ABLIM2: variants seen among roughly 807,000 people sequenced by gnomAD.
ABLIM2 encodes the protein actin binding LIM protein family member 2.
Under a neutral mutation model 97.7 loss-of-function variants are expected in ABLIM2, and 53 were observed. That is an observed-to-expected ratio of 0.54 (90% CI 0.44 to 0.68). ABLIM2 has a LOEUF of 0.68. Ranked by LOEUF, ABLIM2 falls within the 30% of genes least tolerant of loss-of-function variation. The probability of loss-of-function intolerance (pLI) is 0.00; values close to 1 mark genes in which losing one functional copy is unlikely to be tolerated. For missense variants in ABLIM2, 835 were observed against 867.2 expected (o/e 0.96, Z 0.47); for synonymous variants, 361 against 345.8 (o/e 1.04, Z -0.49).
intron 1 of ABLIM2, among the ~76,000 whole-genome samples, chr4:8,133,777 C>T (rs1849773057): frequency 6.6e-6 from 1 of 152,226 alleles, no homozygotes; most frequent in South Asian, 2.1e-4. Flanking sequence ...ATTCCCAGAG[C>T]CCCCTGAGGT....
Position 8,002,108 on chromosome 4 carries a change from G to A in ABLIM2, c.1618+5951C>T, listed in dbSNP as rs1757631811. The stretch of plus-strand genomic sequence containing the variant: ...CAGCCACGTACTCACAGTTGGAGTG[G>A]CTGGGGCTACCAACTCCCACGGTTC... On this transcript the variant is annotated intron_variant, in intron 16 of 20. Coordinates refer to ENST00000447017, the MANE Select transcript of ABLIM2 (RefSeq NM_001130083.2). This position sits in a 1 kb window ranked among gnomAD's most constrained non-coding sequence, Gnocchi z 6.1. Among the ~76,000 whole-genome samples, 1 of 152,128 alleles carries A rather than the reference G, an allele frequency of 6.6e-6. No homozygotes were observed. The highest frequency in any genetic ancestry group is 2.4e-5 in the African/African-American group (1 of 41,434).
At position 7,998,089 on chromosome 4, in the gene ABLIM2, C is replaced by T. The variant is rs916487833; in HGVS notation, c.1619-5162G>A. 6.6e-6 allele frequency among the ~76,000 whole-genome samples: 1 copy of T among 151,934 alleles called. No homozygotes were observed. The highest frequency in any genetic ancestry group is 2.1e-4 in the South Asian group (1 of 4,794). ...AGAGACGGGGTTTCTCCATGTTGATCGGGCTCGTCTTCAACTCCTGATCTC... is the reference window on the plus strand; with the variant it reads ...AGAGACGGGGTTTCTCCATGTTGATTGGGCTCGTCTTCAACTCCTGATCTC... On this transcript the variant is annotated intron_variant, in intron 16 of 20. Transcript: ENST00000447017. The surrounding 1 kb of genome is among the most constrained non-coding windows in gnomAD (Gnocchi z 6.4).
intron 1 of ABLIM2, among the ~76,000 whole-genome samples, chr4:8,133,716 G>A (rs1414796699): frequency 1.3e-5 from 2 of 152,168 alleles, no homozygotes; most frequent in African/African-American, 2.4e-5. Flanking sequence ...CCGGCCCTCC[G>A]ACAGCATCTC....
At position 8,149,430 on chromosome 4, in the gene ABLIM2, G is replaced by A. The variant is rs184553513; in HGVS notation, c.10+9250C>T. On this transcript the variant is annotated intron_variant, in intron 1 of 20. Transcript: ENST00000447017. This position sits in a 1 kb window ranked among gnomAD's most constrained non-coding sequence, Gnocchi z 6.4. ...TCAGAGAGGGCAGGTCCCAGCTCCAGGCTGCAGAGCAGGCAGGAGCAGGCA... is the reference window on the plus strand; with the variant it reads ...TCAGAGAGGGCAGGTCCCAGCTCCAAGCTGCAGAGCAGGCAGGAGCAGGCA... Among the ~76,000 whole-genome samples, 259 of 152,146 alleles carry A rather than the reference G, an allele frequency of 1.7e-3. No homozygotes were observed. Among genetic ancestry groups the A allele is most frequent in the African/African-American group, 6.2e-3 (258 of 41,498 alleles).
intron 15 of ABLIM2, among the ~76,000 whole-genome samples, chr4:8,008,630 C>T (rs149023076): frequency 5.3e-5 from 8 of 152,314 alleles, no homozygotes; most frequent in East Asian, 1.9e-4. Context: ...GATGCCTGTT[C>T]GTGCCCTGGC....
At position 8,021,874 on chromosome 4, in the gene ABLIM2, C is replaced by T. The variant is rs971772315; in HGVS notation, c.1268-1571G>A. Among the ~76,000 whole-genome samples the T allele has an allele frequency of 1.3e-5, 2 of 152,244 alleles. No individual in the cohort carries two copies. The highest frequency in any genetic ancestry group is 2.4e-5 in the African/African-American group (1 of 41,468). On this transcript the variant is annotated intron_variant, in intron 12 of 20. Coordinates refer to ENST00000447017, the MANE Select transcript of ABLIM2 (RefSeq NM_001130083.2). This position sits in a 1 kb window ranked among gnomAD's most constrained non-coding sequence, Gnocchi z 5.5. ...AACTGCCCTTCCCTTAGCAACCTCC[C>T]TCCAGAACAGCATGGAACCTTCTAG...
At chr4:8,092,393 T>C (rs916094281) in intron 3 of ABLIM2, among the ~76,000 whole-genome samples, 3 of 152,148 alleles carry the variant, frequency 2.0e-5, no homozygotes, top group African/African-American at 7.2e-5. Context: ...GGGAACGGAA[T>C]CATGCAAAAA....
Position 8,005,248 on chromosome 4 carries a change from C to T in ABLIM2, c.1618+2811G>A, listed in dbSNP as rs1345728288. 3.9e-6 allele frequency: 2 copies of T among 509,534 alleles called. No homozygotes were observed. The highest frequency in any genetic ancestry group is 3.9e-5 in the African/African-American group (2 of 51,604). 31.6% of individuals were successfully genotyped at this position (509,534 alleles called of 1,614,324 possible). A position where few individuals can be genotyped will look rare whatever the true frequency, so the allele number is the denominator to read the frequency against. On this transcript the variant is annotated intron_variant, in intron 16 of 20. Transcript: ENST00000447017. The surrounding 1 kb of genome is among the most constrained non-coding windows in gnomAD (Gnocchi z 4.9). ...CAGCTCCCTGCACGCTTCTCCAGGTCAGGGGCTGCTCTTGTCTTCTCTGTC... is the reference window on the plus strand; with the variant it reads ...CAGCTCCCTGCACGCTTCTCCAGGTTAGGGGCTGCTCTTGTCTTCTCTGTC...
Position 7,966,951 on chromosome 4 carries a change from C to G in ABLIM2, c.*39G>C. 1.9e-6 allele frequency: 3 copies of G among 1,547,698 alleles called. No individual in the cohort carries two copies. The South Asian group carries it at 3.3e-5, about 17-fold the overall frequency. ...GGTTCTCGCCAGGGGCCCCTGGCCT[C>G]GGCGCCCGGCACACACCAGTGGGGC... On this transcript the variant is annotated 3_prime_UTR_variant, in exon 21 of 21. Transcript: ENST00000447017.
chr4:7,983,582 G>A (rs776472115), intron 18 of ABLIM2, 28 bp from the exon 19 acceptor site: 19 of 1,611,694 alleles, frequency 1.2e-5, no homozygotes, highest in African/African-American at 6.7e-5. Context: ...CGGAGACCAC[G>A]AAATGGTTTA....
Position 8,019,310 on chromosome 4 carries a change from A to G in ABLIM2, c.1423+308T>C, listed in dbSNP as rs1771825907. Among the ~76,000 whole-genome samples the G allele has an allele frequency of 6.6e-6, 1 of 152,174 alleles. No homozygotes were observed. The highest frequency in any genetic ancestry group is 1.5e-5 in the Non-Finnish European group (1 of 68,034). On this transcript the variant is annotated intron_variant, in intron 14 of 20. Transcript: ENST00000447017. This position sits in a 1 kb window ranked among gnomAD's most constrained non-coding sequence, Gnocchi z 4.3. ...TCTTGGCTAAAGTCTCTCTGGCTGC[A>G]TAATTGAAGGCGCCACCACCAGGCT...
intron 1 of ABLIM2, among the ~76,000 whole-genome samples, chr4:8,107,912 C>T (rs965970575): frequency 6.6e-5 from 10 of 152,152 alleles, no homozygotes; most frequent in African/African-American, 2.2e-4. Context: ...AGGGAGATGA[C>T]ACATTGCTGG....
chr4:8,006,077 T>C (rs535420258), intron 16 of ABLIM2, among the ~76,000 whole-genome samples: 1 of 152,338 alleles, frequency 6.6e-6, no homozygotes, highest in African/African-American at 2.4e-5. Context: ...ACACCTGACA[T>C]GGCCTCTGGG....
At position 8,058,978 on chromosome 4, in the gene ABLIM2, C is replaced by A. The variant is rs535564333; in HGVS notation, c.763+1989G>T. Among the ~76,000 whole-genome samples, 1 of 152,270 alleles carries A rather than the reference C, an allele frequency of 6.6e-6. No homozygotes were observed. Among genetic ancestry groups the A allele is most frequent in the African/African-American group, 2.4e-5 (1 of 41,556 alleles). ...CTTTCCACCTGCTGCCCCAACCCTG[C>A]TCATTGGCTGCAACCCCCACTGTCT... is the stretch of plus-strand genomic sequence containing the variant. On this transcript the variant is annotated intron_variant, in intron 7 of 20. Transcript: ENST00000447017. The surrounding 1 kb of genome is among the most constrained non-coding windows in gnomAD (Gnocchi z 4.2).
intron 20 of ABLIM2, among the ~76,000 whole-genome samples, chr4:7,969,941 T>C (rs2149352636): frequency 6.6e-6 from 1 of 152,276 alleles, no homozygotes; most frequent in African/African-American, 2.4e-5. Context: ...AAACTTAGAA[T>C]TGTCATTTCA....
Position 8,019,904 on chromosome 4 carries a change from C to T in ABLIM2, c.1370-233G>A, listed in dbSNP as rs1772303632. On this transcript the variant is annotated intron_variant, in intron 13 of 20. Coordinates refer to ENST00000447017, the MANE Select transcript of ABLIM2 (RefSeq NM_001130083.2). The surrounding 1 kb of genome is among the most constrained non-coding windows in gnomAD (Gnocchi z 4.3). ...GGGCAGCAGCCAGGAACCTTGTGGT[C>T]CCCCGGGAAGTGTAGCCAGCTCAGA... Among the ~76,000 whole-genome samples the T allele has an allele frequency of 6.6e-6, 1 of 152,152 alleles. No homozygotes were observed. The highest frequency in any genetic ancestry group is 6.5e-5 in the Admixed American group (1 of 15,280).
rs944734403 is a variant in ABLIM2, at chr4:8,003,152, C to T, written c.1618+4907G>A. Among the ~76,000 whole-genome samples, 7 of 152,232 alleles carry T rather than the reference C, an allele frequency of 4.6e-5. No individual in the cohort carries two copies. The highest frequency in any genetic ancestry group is 1.7e-4 in the African/African-American group (7 of 41,470). Reference sequence around the variant, plus strand: ...GATGCCCCTTGGCTTACCACGGGCTCATCATATCCCATAAACCCAGTAAGA... The same window carrying T: ...GATGCCCCTTGGCTTACCACGGGCTTATCATATCCCATAAACCCAGTAAGA... On this transcript the variant is annotated intron_variant, in intron 16 of 20. Transcript: ENST00000447017. The surrounding 1 kb of genome is among the most constrained non-coding windows in gnomAD (Gnocchi z 4.2).
intron 9 of ABLIM2, among the ~76,000 whole-genome samples, chr4:8,039,735 A>G (rs1786887605): frequency 6.6e-6 from 1 of 152,166 alleles, no homozygotes; most frequent in Non-Finnish European, 1.5e-5. Flanking sequence ...TTACAAAATA[A>G]TATGTTCAGT....
chr4:8,044,193 C>T lies in ABLIM2; in HGVS notation c.900+971G>A, dbSNP rs573987271. Among the ~76,000 whole-genome samples the T allele has an allele frequency of 1.0e-3, 157 of 152,266 alleles. No individual in the cohort carries two copies. Among genetic ancestry groups the T allele is most frequent in the African/African-American group, 3.6e-3 (150 of 41,554 alleles). On this transcript the variant is annotated intron_variant, in intron 9 of 20. Coordinates refer to ENST00000447017, the MANE Select transcript of ABLIM2 (RefSeq NM_001130083.2). This position sits in a 1 kb window ranked among gnomAD's most constrained non-coding sequence, Gnocchi z 4.4. ...CTAGAAACCCAGTGGATCCAGCCTC[C>T]GCTGAGGCATGAAGAACCCAGGTCC...
Sources: allele counts gnomAD v4.1 joint callset (sites outside exome capture counted in the v4.1 genomes callset), GRCh38; gene constraint gnomAD v4.1.1; non-coding constraint Gnocchi (gnomAD v3.1); transcripts MANE v1.5; gene names NCBI Gene and HGNC (gene_info 2026-07-23, HGNC 2026-07-21).